Variants in LNPEP observed in about 807,000 individuals in gnomAD.
LNPEP encodes leucyl and cystinyl aminopeptidase, also known as leucyl-cystinyl aminopeptidase.
In LNPEP, 64 loss-of-function variants were observed where a neutral mutation model predicts 120.6. The observed-to-expected ratio is 0.53, with a 90% CI of 0.43 to 0.65. The LOEUF is 0.65. LNPEP is among the 30% of genes least tolerant of loss of function. LNPEP has a pLI of 0.00. For missense variants in LNPEP, 1,057 were observed against 1,200.0 expected, an observed-to-expected ratio of 0.88 and a Z score of 1.76; for synonymous variants, 435 against 425.4, an observed-to-expected ratio of 1.02 and a Z score of -0.28.
intron 1 of LNPEP, among the ~76,000 whole-genome samples, chr5:96,952,879 C>T (rs1349307478): frequency 1.3e-5 from 2 of 152,158 alleles, no homozygotes; most frequent in Non-Finnish European, 2.9e-5. Context: ...TAAAGGCCTA[C>T]TTGGCTAAGT....
At chr5:96,985,286 C>T in intron 3 of LNPEP, 68 bp downstream of exon 3, 1 of 1,335,470 alleles carries the variant, frequency 7.5e-7, no homozygotes, top group Non-Finnish European at 1.0e-6. Context: ...ACTTAAATTC[C>T]TCTTTGCCAG....
At chr5:96,938,704 T>G (rs568088008) in intron 1 of LNPEP, among the ~76,000 whole-genome samples, 1 of 152,190 alleles carries the variant, frequency 6.6e-6, no homozygotes, top group Non-Finnish European at 1.5e-5. Flanking sequence ...AACATACTTC[T>G]GCAACCCATT....
rs1790073427 is a variant in LNPEP, at chr5:96,979,448, C to A, written c.330C>A (p.Thr110=). 6.2e-7 allele frequency: 1 copy of A among 1,614,040 alleles called. No homozygotes were observed. Among genetic ancestry groups the A allele is most frequent in the Middle Eastern group, 1.7e-4 (1 of 6,058 alleles). ...CTTGTTCAGTACCCTCTGCAAGGAC[C>A]ATGGTGGTCTGTGCTTTTGTCATCG... ...DGACSVPSAR[T]MVVCAFVIVV... is the part of the protein sequence containing the mutation. Residue 110 remains threonine (T), a synonymous_variant, in exon 2 of 18, where the codon ACC becomes ACA. Transcript: ENST00000231368.
chr5:96,980,766 A>G (rs3797797), intron 2 of LNPEP, among the ~76,000 whole-genome samples: 7,572 of 152,234 alleles, frequency 0.05, 276 homozygotes, highest in Middle Eastern at 0.12. Flanking sequence ...CTGTAAAACA[A>G]TATGTGAATT....
At chr5:97,018,014 G>C (rs1791106539) in intron 13 of LNPEP, among the ~76,000 whole-genome samples, 1 of 152,036 alleles carries the variant, frequency 6.6e-6, no homozygotes, top group African/African-American at 2.4e-5. Context: ...CCCATTCTTA[G>C]ATTAAGGCCC....
chr5:96,940,344 T>C (rs955126549), intron 1 of LNPEP, among the ~76,000 whole-genome samples: 2 of 152,032 alleles, frequency 1.3e-5, no homozygotes, highest in South Asian at 2.1e-4. Context: ...GGAAATTATA[T>C]AGAAAATAAG....
chr5:96,987,759 A>T (rs1258722910), intron 4 of LNPEP, among the ~76,000 whole-genome samples: 2 of 152,346 alleles, frequency 1.3e-5, no homozygotes, highest in East Asian at 3.9e-4. Flanking sequence ...GAAAGACTTT[A>T]TGTCAAGGAT....
chr5:97,027,345 T>G (rs1791366943), intron 16 of LNPEP, among the ~76,000 whole-genome samples: 2 of 149,630 alleles, frequency 1.3e-5, no homozygotes, highest in Non-Finnish European at 1.5e-5. Flanking sequence ...AGGGCGAGAC[T>G]CCGTCTCAAA....
Position 97,035,748 on chromosome 5 carries a change from C to G in LNPEP, c.*7215C>G, listed in dbSNP as rs1791562353. On this transcript the variant is annotated 3_prime_UTR_variant, in exon 18 of 18. Coordinates refer to ENST00000231368, the MANE Select transcript of LNPEP (RefSeq NM_005575.3). The stretch of plus-strand genomic sequence containing the variant: ...TATACCTAACAAAAATAAAGACCTA[C>G]TAAATCCCTGCCATCTGGCTGGAAG... 1.3e-5 allele frequency: 2 copies of G among 152,154 alleles called. No individual in the cohort carries two copies. Among genetic ancestry groups the G allele is most frequent in the Admixed American group, 1.3e-4 (2 of 15,252 alleles). The allele number at this position is 152,154 out of a possible 1,614,324, so 9.4% of individuals were successfully genotyped here. A position where few individuals can be genotyped will look rare whatever the true frequency, so the allele number is the denominator to read the frequency against.
chr5:96,998,235 A>C, intron 8 of LNPEP, 90 bp downstream of exon 8: 1 of 1,024,688 alleles, frequency 9.8e-7, no homozygotes, highest in Non-Finnish European at 1.4e-6. Context: ...AGATTATTTT[A>C]AAGATTAAAT....
In LNPEP at chr5:97,022,508, G is replaced by T. The variant is rs1367423911; in HGVS notation, c.2561+24G>T. The T allele has an allele frequency of 2.6e-6, 4 of 1,562,776 alleles. No homozygotes were observed. In the African/African-American group the frequency reaches 5.4e-5, roughly 21 times the overall value. On this transcript the variant is annotated intron_variant, in intron 14 of 17. Transcript: ENST00000231368. The stretch of plus-strand genomic sequence containing the variant: ...AGGTGAAGTATACCTCTACTCAGAT[G>T]AATTATCTTCTTTTTCTTTATTTCA...
chr5:96,936,946 A>G (rs1329571153), intron 1 of LNPEP: 1 of 152,302 alleles, frequency 6.6e-6, no homozygotes, highest in Non-Finnish European at 1.5e-5. Flanking sequence ...AACGGGGAGC[A>G]TAAATCCCAC....
chr5:96,954,410 T>C (rs1391894808), intron 1 of LNPEP, among the ~76,000 whole-genome samples: 1 of 151,996 alleles, frequency 6.6e-6, no homozygotes, highest in Non-Finnish European at 1.5e-5. Context: ...AGAAATACTT[T>C]TATACAGAAG....
chr5:96,970,251 CA>C (rs1789829434), intron 1 of LNPEP, among the ~76,000 whole-genome samples: 1 of 151,972 alleles, frequency 6.6e-6, no homozygotes, highest in Non-Finnish European at 1.5e-5. Context: ...CTTGTTCTAT[CA>C]GTTATGAAGA....
chr5:97,019,576 T>C (rs1791142859), intron 13 of LNPEP, among the ~76,000 whole-genome samples: 3 of 152,226 alleles, frequency 2.0e-5, no homozygotes, highest in African/African-American at 7.2e-5. Context: ...AATTGCTCCC[T>C]GTAATTCGGT....
In LNPEP at chr5:97,035,058, A is replaced by G. The variant is rs764753714; in HGVS notation, c.*6525A>G. Reference sequence around the variant, plus strand: ...GTCCTCTGCTGGGACATGGATGTACATAATGAAACATGGAGGTCCAGACGT... The same window carrying G: ...GTCCTCTGCTGGGACATGGATGTACGTAATGAAACATGGAGGTCCAGACGT... On this transcript the variant is annotated 3_prime_UTR_variant, in exon 18 of 18. Transcript: ENST00000231368. 1 of 152,154 alleles carries G rather than the reference A, an allele frequency of 6.6e-6. No individual in the cohort carries two copies. The highest frequency in any genetic ancestry group is 1.5e-5 in the Non-Finnish European group (1 of 68,006). 9.4% of individuals were successfully genotyped at this position (152,154 alleles called of 1,614,324 possible).
chr5:96,973,778 G>A (rs1789929031), intron 1 of LNPEP, among the ~76,000 whole-genome samples: 1 of 152,152 alleles, frequency 6.6e-6, no homozygotes, highest in East Asian at 1.9e-4. Context: ...CAGAAAATGT[G>A]ATGGCAGCTT....
intron 13 of LNPEP, among the ~76,000 whole-genome samples, chr5:97,021,529 T>A (rs1387949180): frequency 6.6e-6 from 1 of 152,204 alleles, no homozygotes; most frequent in Non-Finnish European, 1.5e-5. Context: ...ACATTAACTA[T>A]CAATAAAGAA....
At position 97,005,481 on chromosome 5, in the gene LNPEP, A is replaced by G. The variant is rs777708792; in HGVS notation, c.1786-592A>G. Among the ~76,000 whole-genome samples, 55 of 152,156 alleles carry G rather than the reference A, an allele frequency of 3.6e-4. 1 individual carries two copies. Among genetic ancestry groups the G allele is most frequent in the Admixed American group, 4.6e-4 (7 of 15,260 alleles). ...AAAGAAGGGCTGTGACCACTAAAGTAGTTTACCACTGTTTTCTAGAAAGAC... is the reference window on the plus strand; with the variant it reads ...AAAGAAGGGCTGTGACCACTAAAGTGGTTTACCACTGTTTTCTAGAAAGAC... On this transcript the variant is annotated intron_variant, in intron 9 of 17. Transcript: ENST00000231368.
Sources: allele counts gnomAD v4.1 joint callset (sites outside exome capture counted in the v4.1 genomes callset), GRCh38; gene constraint gnomAD v4.1.1; transcripts MANE v1.5; gene names NCBI Gene and HGNC (gene_info 2026-07-23, HGNC 2026-07-21).